Variants in POLA1 observed in about 807,000 individuals in gnomAD.
POLA1 encodes the protein DNA polymerase alpha 1, catalytic subunit.
A neutral mutation model predicts 124.0 loss-of-function variants in POLA1; 15 were observed. That is an observed-to-expected ratio of 0.12 (90% confidence interval 0.08 to 0.19). The LOEUF (loss-of-function observed/expected upper bound fraction) is 0.19. Ranked by LOEUF, POLA1 falls within the 10% of genes least tolerant of loss-of-function variation. The pLI is 1.00. For missense variants in POLA1, 886 were observed against 1,103.4 expected, an observed-to-expected ratio of 0.80 and a Z score of 2.79; for synonymous variants, 408 against 389.4, an observed-to-expected ratio of 1.05 and a Z score of -0.56.
intron 36 of POLA1, among the ~76,000 whole-genome samples, 179 bp downstream of exon 36, chrX:24,930,728 G>A (rs1357292655): frequency 8.9e-6 from 1 of 112,295 alleles, no homozygotes; most frequent in African/African-American, 3.2e-5. Flanking sequence ...GGAATCCCCA[G>A]CTTTGGCCCC....
chrX:24,816,891 C>G (rs1163627100), intron 30 of POLA1, among the ~76,000 whole-genome samples: 1 of 112,097 alleles, frequency 8.9e-6, no homozygotes, highest in Non-Finnish European at 1.9e-5. Context: ...GGTATACTGA[C>G]AGTGTCTGCA....
At chrX:24,806,053 G>GTTTTTTTTTTTTTTTTTTTTT (rs751012614) in intron 26 of POLA1, among the ~76,000 whole-genome samples, 1 of 35,302 alleles carries the variant, frequency 2.8e-5, no homozygotes, top group African/African-American at 1.2e-4. Flanking sequence ...GTGGTATGAG[G>GTTTTTTTTTTTTTTTTTTTTT]TTTTTTTTTT....
intron 36 of POLA1, among the ~76,000 whole-genome samples, chrX:24,948,995 A>C (rs764215439): frequency 1.1e-3 from 125 of 112,067 alleles, no homozygotes; most frequent in Non-Finnish European, 1.8e-3. Flanking sequence ...ATATTTTAGT[A>C]ATCATAGAAA....
intron 4 of POLA1, 95 bp from the exon 5 acceptor site, chrX:24,714,459 A>G (rs1929686210): frequency 2.0e-6 from 1 of 508,305 alleles, no homozygotes; most frequent in Non-Finnish European, 3.3e-6. Context: ...AATTCTTAAC[A>G]TTTTTCTTCC....
At chrX:24,909,226 G>A (rs1193498334) in intron 35 of POLA1, among the ~76,000 whole-genome samples, 40 of 111,860 alleles carry the variant, frequency 3.6e-4, no homozygotes, top group African/African-American at 1.3e-3. Flanking sequence ...CTGTGCAGAA[G>A]CTCTTGAGTT....
intron 34 of POLA1, among the ~76,000 whole-genome samples, chrX:24,857,855 A>T (rs981273031): frequency 9.0e-6 from 1 of 111,431 alleles, no homozygotes; most frequent in African/African-American, 3.3e-5. Context: ...AAATATCTGT[A>T]TGTGTATATA....
At chrX:24,876,576 T>C (rs1201170199) in intron 34 of POLA1, among the ~76,000 whole-genome samples, 1 of 107,128 alleles carries the variant, frequency 9.3e-6, no homozygotes, top group Non-Finnish European at 1.9e-5. Context: ...TTCATTGCCA[T>C]GAAGAGCATG....
chrX:24,770,661 C>G (rs916874161), intron 26 of POLA1, among the ~76,000 whole-genome samples: 1 of 111,167 alleles, frequency 9.0e-6, no homozygotes, highest in East Asian at 2.8e-4. Context: ...TTAAATTGTC[C>G]TCAGGCTGTA....
chrX:24,937,949 T>C (rs1421488819), intron 36 of POLA1, among the ~76,000 whole-genome samples: 2 of 112,543 alleles, frequency 1.8e-5, no homozygotes, highest in Non-Finnish European at 3.8e-5. Flanking sequence ...TTTTGAAATA[T>C]GTTTTTATTA....
intron 36 of POLA1, among the ~76,000 whole-genome samples, chrX:24,931,417 C>T (rs903657778): frequency 2.2e-4 from 25 of 111,486 alleles, no homozygotes; most frequent in African/African-American, 7.8e-4. Context: ...CCCATGCTGC[C>T]CTTGATTTGT....
intron 32 of POLA1, among the ~76,000 whole-genome samples, chrX:24,830,705 G>A (rs1000640646): frequency 2.7e-5 from 3 of 111,925 alleles, no homozygotes; most frequent in African/African-American, 9.7e-5. Context: ...GTATTCTGTG[G>A]ATGAAATATT....
chrX:24,740,162 C>T (rs1055170141), intron 20 of POLA1, among the ~76,000 whole-genome samples: 4 of 111,675 alleles, frequency 3.6e-5, no homozygotes, highest in African/African-American at 1.3e-4. Flanking sequence ...GATCTTCTAT[C>T]CTAGGTTCTT....
At chrX:24,784,369 T>C (rs1277159626) in intron 26 of POLA1, among the ~76,000 whole-genome samples, 1 of 111,392 alleles carries the variant, frequency 9.0e-6, no homozygotes, top group Non-Finnish European at 1.9e-5. Flanking sequence ...TATTTCTAAA[T>C]AGATCTACTG....
At chrX:24,736,746 C>T (rs927046362) in intron 18 of POLA1, among the ~76,000 whole-genome samples, 2 of 111,867 alleles carry the variant, frequency 1.8e-5, no homozygotes, top group African/African-American at 3.3e-5. Flanking sequence ...ATACAACCAT[C>T]ACCACGATCC....
intron 26 of POLA1, among the ~76,000 whole-genome samples, chrX:24,757,466 G>A (rs1426486075): frequency 2.7e-5 from 2 of 74,426 alleles, no homozygotes; most frequent in East Asian, 3.4e-4. Flanking sequence ...TTGAGACAGA[G>A]TCTTGCTCTG....
chrX:24,858,129 A>G (rs1344843545), intron 34 of POLA1, among the ~76,000 whole-genome samples: 1 of 112,315 alleles, frequency 8.9e-6, no homozygotes, highest in East Asian at 2.8e-4. Context: ...AAAAATAACC[A>G]TTGTATCTTC....
At chrX:24,760,447 T>C (rs890156760) in intron 26 of POLA1, among the ~76,000 whole-genome samples, 1 of 112,057 alleles carries the variant, frequency 8.9e-6, no homozygotes, top group Admixed American at 9.4e-5. Context: ...TACCACACTG[T>C]CTCCTTATGT....
At chrX:24,975,874 T>C (rs1181594235) in intron 36 of POLA1, among the ~76,000 whole-genome samples, 2 of 112,462 alleles carry the variant, frequency 1.8e-5, no homozygotes, top group African/African-American at 6.5e-5. Flanking sequence ...GTATTAGCAG[T>C]ATCTGACTTT....
At position 24,751,735 on chromosome X, in the gene POLA1, T is replaced by C. The variant is rs781376840; in HGVS notation, c.2964+2743T>C. On this transcript the variant is annotated intron_variant, in intron 26 of 36. Coordinates refer to ENST00000379068, the MANE Select transcript of POLA1 (RefSeq NM_001330360.2). ...AATTGTTAGCACTGGTGGATGGAAG[T>C]AGTCTATGTGATATCTTTCTTTGGG... 5.3e-5 allele frequency among the ~76,000 whole-genome samples: 6 copies of C among 112,405 alleles called. No individual in the cohort carries two copies. The East Asian group carries it at 1.4e-3, about 26-fold the overall frequency.
Sources: allele counts gnomAD v4.1 joint callset (sites outside exome capture counted in the v4.1 genomes callset), GRCh38; gene constraint gnomAD v4.1.1; transcripts MANE v1.5; gene names NCBI Gene and HGNC (gene_info 2026-07-23, HGNC 2026-07-21).